Variants in LIAS observed in about 807,000 individuals in gnomAD.
The protein encoded by LIAS is lipoic acid synthetase, also known as lipoyl synthase, mitochondrial.
Under a neutral mutation model 49.4 loss-of-function variants are expected in LIAS, and 36 were observed. That is an observed-to-expected ratio of 0.73 (90% CI 0.56 to 0.96). LIAS has a LOEUF of 0.96. LIAS is among the 40% of genes least tolerant of loss of function. LIAS has a pLI of 0.00. For missense variants in LIAS, 399 were observed against 456.3 expected (o/e 0.87, Z 1.14); for synonymous variants, 145 against 155.8 (o/e 0.93, Z 0.52).
chr4:39,477,434 C>A lies in LIAS; in HGVS notation c.*319C>A. The A allele has an allele frequency of 4.6e-6, 1 of 219,162 alleles. No homozygotes were observed. The highest frequency in any genetic ancestry group is 8.9e-6 in the Non-Finnish European group (1 of 112,602). 13.6% of individuals were successfully genotyped at this position (219,162 alleles called of 1,614,324 possible). A position where few individuals can be genotyped will look rare whatever the true frequency, so the allele number is the denominator to read the frequency against. On this transcript the variant is annotated 3_prime_UTR_variant, in exon 11 of 11. Transcript: ENST00000640888. Reference sequence around the variant, plus strand: ...ATCCCAGCTACTCGGGAGGCTAAGGCAGGAGAATCACTTGAACCTGGGAGG... The same window carrying A: ...ATCCCAGCTACTCGGGAGGCTAAGGAAGGAGAATCACTTGAACCTGGGAGG...
chr4:39,474,369 A>T (rs1745109164), intron 10 of LIAS, among the ~76,000 whole-genome samples: 1 of 151,560 alleles, frequency 6.6e-6, no homozygotes, highest in East Asian at 1.9e-4. Flanking sequence ...GAGTTCAAGG[A>T]TGCAGTGAGC....
rs1375530921 is a variant in LIAS at position 39,470,069 on chromosome 4, A to G, written c.788A>G (p.Lys263Arg). The stretch of plus-strand genomic sequence containing the variant: ...TTTGATCAGTCCCTACGTGTACTGA[A>G]ACATGCCAAGAAGGTTCAGCCTGAT... ...ANFDQSLRVL[K>R]HAKKVQPDVI... Residue 263 changes from lysine to arginine, a missense_variant, in exon 8 of 11, where the codon AAA (lysine) becomes AGA (arginine). Transcript: ENST00000640888. 7.4e-6 allele frequency: 12 copies of G among 1,613,950 alleles called. No homozygotes were observed. Among genetic ancestry groups the G allele is most frequent in the Non-Finnish European group, 1.0e-5 (12 of 1,179,928 alleles).
Position 39,470,007 on chromosome 4 carries a change from G to A in LIAS, c.738-12G>A. 1.2e-6 allele frequency: 2 copies of A among 1,602,562 alleles called. No individual in the cohort carries two copies. Among genetic ancestry groups the A allele is most frequent in the South Asian group, 2.2e-5 (2 of 89,910 alleles). On this transcript the variant is annotated splice_polypyrimidine_tract_variant and intron_variant, in intron 7 of 10. Coordinates refer to ENST00000640888, the MANE Select transcript of LIAS (RefSeq NM_006859.4). ...TGTAATTCTTGCTGACAACAGTCCTGCTGTTTTCCAGTAAGGTTCGTGATC... is the reference window on the plus strand; with the variant it reads ...TGTAATTCTTGCTGACAACAGTCCTACTGTTTTCCAGTAAGGTTCGTGATC...
chr4:39,465,052 G>A lies in LIAS; in HGVS notation c.400G>A (p.Gly134Ser), dbSNP rs761909332. ...ATATATIMLM[G>S]DTCTRGCRFC... ...TGTAACATTTCTATTCTAGTTGATG[G>A]GTGACACATGTACAAGAGGTTGCAG... The change falls in exon 5 of 11, where the codon GGT becomes AGT. Residue 134 changes from glycine to serine, a missense_variant. By Grantham distance (56) the Gly-to-Ser change is moderately conservative. Transcript: ENST00000640888. The A allele has an allele frequency of 1.2e-6, 2 of 1,612,256 alleles. No individual in the cohort carries two copies. Among genetic ancestry groups the A allele is most frequent in the Non-Finnish European group, 1.7e-6 (2 of 1,178,934 alleles).
At chr4:39,472,228 T>A (rs1255682292) in intron 9 of LIAS, among the ~76,000 whole-genome samples, 1 of 152,030 alleles carries the variant, frequency 6.6e-6, no homozygotes, top group Non-Finnish European at 1.5e-5. Context: ...AGAAAATATA[T>A]TTACTAGTCA....
rs1209395103 is a variant in LIAS, at chr4:39,478,485, CAG to C, written c.*1373_*1374del. 1.3e-5 allele frequency: 2 copies of C among 152,112 alleles called. No individual in the cohort carries two copies. Among genetic ancestry groups the C allele is most frequent in the African/African-American group, 4.8e-5 (2 of 41,414 alleles). The allele number at this position is 152,112 out of a possible 1,614,324, so 9.4% of individuals were successfully genotyped here. A position where few individuals can be genotyped will look rare whatever the true frequency, so the allele number is the denominator to read the frequency against. ...TGCCACTGCACTCCAGCCCGGGCAACAGAGTGAGACTGTCTCAAAAAAAAAGT... is the reference window on the plus strand; with the variant it reads ...TGCCACTGCACTCCAGCCCGGGCAACAGTGAGACTGTCTCAAAAAAAAAGT... On this transcript the variant is annotated 3_prime_UTR_variant, in exon 11 of 11. Coordinates refer to ENST00000640888, the MANE Select transcript of LIAS (RefSeq NM_006859.4).
chr4:39,474,262 CAAAAAA>C (rs34137564), intron 10 of LIAS, among the ~76,000 whole-genome samples: 41 of 92,374 alleles, frequency 4.4e-4, no homozygotes, highest in African/African-American at 1.6e-3. Flanking sequence ...GACTCTGTCT[CAAAAAA>C]AAAAAAAAAA....
intron 3 of LIAS, 127 bp from the exon 4 acceptor site, chr4:39,463,398 G>A (rs1744619838): frequency 7.9e-7 from 1 of 1,262,066 alleles, no homozygotes; most frequent in East Asian, 2.9e-5. Flanking sequence ...CAGCATTTTT[G>A]AATAGTGAAT....
chr4:39,466,126 C>T (rs1162414728), intron 6 of LIAS: 1 of 152,092 alleles, frequency 6.6e-6, no homozygotes, highest in African/African-American at 2.4e-5. Flanking sequence ...AGGTACACTA[C>T]CACGCTTGGC....
chr4:39,469,931 T>C, intron 7 of LIAS, 88 bp from the exon 8 acceptor site: 1 of 1,184,900 alleles, frequency 8.4e-7, no homozygotes, highest in South Asian at 1.5e-5. Flanking sequence ...GTGCAGAATG[T>C]ACTTCTCTGG....
Position 39,460,844 on chromosome 4 carries a change from A to G in LIAS, c.100A>G (p.Lys34Glu). 6.3e-7 allele frequency: 1 copy of G among 1,591,232 alleles called. No individual in the cohort carries two copies. The highest frequency in any genetic ancestry group is 8.6e-7 in the Non-Finnish European group (1 of 1,168,594). The change falls in exon 2 of 11, where the codon AAA (lysine) becomes GAA (glutamate). Residue 34 changes from lysine to glutamate, a missense_variant. Physicochemically the swap from Lys to Glu is moderately conservative, Grantham distance 56 (BLOSUM62 1). Transcript: ENST00000640888. ...CAGACCGTTAAGCTCCTTGCCAGAT[A>G]AAAAAAAGGAACTCCTACAGAATGG... ...PVRPLSSLPD[K>E]KKELLQNGPD... is the part of the protein sequence containing the mutation.
At position 39,465,095 on chromosome 4, in the gene LIAS, C is replaced by T. The variant is rs752422803; in HGVS notation, c.443C>T (p.Thr148Ile). 1.2e-6 allele frequency: 2 copies of T among 1,614,188 alleles called. No homozygotes were observed. Among genetic ancestry groups the T allele is most frequent in the Non-Finnish European group, 1.7e-6 (2 of 1,180,032 alleles). The change falls in exon 5 of 11, where the codon ACT (threonine) becomes ATT (isoleucine). Residue 148 changes from threonine (T) to isoleucine (I), a missense_variant. Physicochemically the swap from Thr to Ile is moderately conservative, Grantham distance 89. Coordinates refer to ENST00000640888, the MANE Select transcript of LIAS (RefSeq NM_006859.4). ...GGTTGCAGATTTTGTTCTGTTAAGA[C>T]TGCAAGAAATCCTCCTCCACTGGAT... ...TRGCRFCSVK[T>I]ARNPPPLDAS...
chr4:39,471,675 C>T (rs1023726719), intron 9 of LIAS, among the ~76,000 whole-genome samples: 2 of 151,656 alleles, frequency 1.3e-5, no homozygotes, highest in African/African-American at 4.8e-5. Flanking sequence ...TACAGGCACA[C>T]ACTACCACAC....
intron 10 of LIAS, 167 bp downstream of exon 10, chr4:39,473,378 C>G (rs1304202767): frequency 4.3e-6 from 2 of 460,398 alleles, no homozygotes; most frequent in Non-Finnish European, 7.7e-6. Context: ...CCATGGGGAT[C>G]ATATTAAGAA....
intron 7 of LIAS, chr4:39,468,789 G>C (rs1474361516): frequency 6.8e-6 from 1 of 147,678 alleles, no homozygotes; most frequent in African/African-American, 2.5e-5. Flanking sequence ...CAGGAGAATT[G>C]CTTGAACCCG....
chr4:39,462,316 C>G, intron 3 of LIAS, 27 bp downstream of exon 3: 3 of 1,118,904 alleles, frequency 2.7e-6, no homozygotes, highest in Non-Finnish European at 3.8e-6. Context: ...TAAACTATCC[C>G]TCTTCACCAA....
chr4:39,472,440 A>T (rs557366346), intron 9 of LIAS, among the ~76,000 whole-genome samples: 30 of 152,194 alleles, frequency 2.0e-4, no homozygotes, highest in Non-Finnish European at 3.8e-4. Context: ...TCATTTTATT[A>T]TCTACATAAA....
chr4:39,471,092 T>A (rs918477457), intron 8 of LIAS, 144 bp from the exon 9 acceptor site: 10 of 603,144 alleles, frequency 1.7e-5, no homozygotes, highest in Non-Finnish European at 2.7e-5. Flanking sequence ...TACTTTTGAA[T>A]GAATAGATGT....
chr4:39,474,181 T>G (rs1357356787), intron 10 of LIAS, among the ~76,000 whole-genome samples: 1 of 147,900 alleles, frequency 6.8e-6, no homozygotes, highest in Non-Finnish European at 1.5e-5. Context: ...CAGAATGGCA[T>G]GAACCCAGGA....
Sources: gnomAD v4.1 joint callset for allele counts (sites outside exome capture counted in the v4.1 genomes callset) on GRCh38, gnomAD v4.1.1 for gene constraint, MANE v1.5 for transcripts, NCBI Gene and HGNC (gene_info 2026-07-23, HGNC 2026-07-21) for gene names.